Variants in FARP1 observed in about 807,000 individuals in gnomAD.
The protein encoded by FARP1 is FERM, ARHGEF and pleckstrin domain-containing protein 1.
Under a neutral mutation model 128.8 loss-of-function variants are expected in FARP1, and 52 were observed. The observed-to-expected ratio is 0.40, with a 90% CI of 0.32 to 0.51. The LOEUF (loss-of-function observed/expected upper bound fraction) is 0.51. Ranked by LOEUF, FARP1 falls within the 20% of genes least tolerant of loss-of-function variation. FARP1 has a pLI of 0.45. For missense variants in FARP1, 1,333 were observed against 1,367.9 expected (o/e 0.97, Z 0.40); for synonymous variants, 580 against 551.8 (o/e 1.05, Z -0.72).
intron 2 of FARP1, among the ~76,000 whole-genome samples, chr13:98,238,388 G>GT (rs1882562203): frequency 6.6e-6 from 1 of 152,062 alleles, no homozygotes; most frequent in Non-Finnish European, 1.5e-5. Flanking sequence ...TAGCTTTTTT[G>GT]TAAGAATACA....
At position 98,393,718 on chromosome 13, in the gene FARP1, G is replaced by A. The variant is rs79991734; in HGVS notation, c.1164G>A (p.Gln388=). ...PTELNSEVLE[Q]SQQSTSLTFG... ...AACTGAATTCGGAAGTGCTGGAGCA[G>A]GTCAGTGATGGCGCTGTCCTATGAT... The change falls in exon 12 of 27, where the codon CAG becomes CAA. Residue 388 remains glutamine (Q), a splice_region_variant and synonymous_variant. Transcript: ENST00000319562. 3 of 1,611,272 alleles carry A rather than the reference G, an allele frequency of 1.9e-6. No homozygotes were observed. The highest frequency in any genetic ancestry group is 2.2e-5 in the East Asian group (1 of 44,870).
intron 4 of FARP1, among the ~76,000 whole-genome samples, chr13:98,367,391 C>T (rs1417700015): frequency 2.0e-5 from 3 of 152,238 alleles, no homozygotes; most frequent in Admixed American, 1.3e-4. Context: ...ACAGATGATC[C>T]GCCCACCTCA....
At chr13:98,207,927 C>CACACACAA (rs1420395446) in intron 1 of FARP1, among the ~76,000 whole-genome samples, 1 of 143,172 alleles carries the variant, frequency 7.0e-6, no homozygotes, top group African/African-American at 2.6e-5. Flanking sequence ...CACACACACA[C>CACACACAA]ACACACACAC....
At chr13:98,266,737 C>T (rs891814483) in intron 2 of FARP1, among the ~76,000 whole-genome samples, 1 of 152,090 alleles carries the variant, frequency 6.6e-6, no homozygotes, top group African/African-American at 2.4e-5. Flanking sequence ...TGAGGCCGGG[C>T]GTGGTGGCTC....
intron 13 of FARP1, chr13:98,406,798 A>C (rs1890995434): frequency 6.6e-6 from 1 of 152,332 alleles, no homozygotes; most frequent in African/African-American, 2.4e-5. Flanking sequence ...AGGCTCTCTT[A>C]TGGAACCATA....
intron 14 of FARP1, 73 bp downstream of exon 14, chr13:98,409,598 A>T: frequency 7.4e-7 from 1 of 1,346,008 alleles, no homozygotes; most frequent in Non-Finnish European, 1.0e-6. Flanking sequence ...TAAAAATTGT[A>T]CTAAAATATA....
At position 98,446,934 on chromosome 13, in the gene FARP1, G is replaced by A. The variant is rs531348539; in HGVS notation, c.3056+117G>A. The A allele has an allele frequency of 2.1e-3, 2,379 of 1,135,282 alleles. 2 individuals are homozygous for A. The highest frequency in any genetic ancestry group is 2.4e-3 in the Non-Finnish European group (1,896 of 785,584). The allele number at this position is 1,135,282 out of a possible 1,614,324, so 70.3% of individuals were successfully genotyped here. A position where few individuals can be genotyped will look rare whatever the true frequency, so the allele number is the denominator to read the frequency against. On this transcript the variant is annotated intron_variant, in intron 26 of 26. Transcript: ENST00000319562. ...CCCCACCCTTCCCTGCCAACTAAGC[G>A]TTTAGACCTGGGGTCCCACTGCCCG...
At chr13:98,387,032 C>G (rs998066011) in intron 8 of FARP1, among the ~76,000 whole-genome samples, 1 of 152,060 alleles carries the variant, frequency 6.6e-6, no homozygotes, top group Admixed American at 6.5e-5. Flanking sequence ...CGGGCGCGGT[C>G]GCTCACACCT....
chr13:98,240,532 A>T (rs374984705), intron 2 of FARP1, among the ~76,000 whole-genome samples: 4 of 152,360 alleles, frequency 2.6e-5, no homozygotes, highest in African/African-American at 9.6e-5. Context: ...TGACAGCATT[A>T]TGAGAAACTG....
At chr13:98,282,280 C>T (rs1222958744) in intron 2 of FARP1, among the ~76,000 whole-genome samples, 2 of 151,916 alleles carry the variant, frequency 1.3e-5, no homozygotes, top group Non-Finnish European at 2.9e-5. Flanking sequence ...AGAGTGGGAC[C>T]CTGTCTCAAA....
chr13:98,162,058 G>A (rs938508570), intron 1 of FARP1, among the ~76,000 whole-genome samples: 6 of 152,170 alleles, frequency 3.9e-5, no homozygotes, highest in African/African-American at 1.4e-4. Flanking sequence ...GGGATTACAG[G>A]CCAGCCACTG....
Position 98,309,776 on chromosome 13 carries a change from A to G in FARP1, c.172-33986A>G, listed in dbSNP as rs570478917. Among the ~76,000 whole-genome samples, 14 of 152,352 alleles carry G rather than the reference A, an allele frequency of 9.2e-5. No homozygotes were observed. The South Asian group carries it at 2.7e-3, about 29-fold the overall frequency. On this transcript the variant is annotated intron_variant, in intron 2 of 26. Coordinates refer to ENST00000319562, the MANE Select transcript of FARP1 (RefSeq NM_005766.4). ...GATGCGGAACTGTGCCTGTGTAGGCAACAGCCCCTTACCCCAAACGGACAA... is the reference window on the plus strand; with the variant it reads ...GATGCGGAACTGTGCCTGTGTAGGCGACAGCCCCTTACCCCAAACGGACAA...
rs753845733 is a variant in FARP1, at chr13:98,384,816, A to T, written c.583A>T (p.Lys195Ter). 1 of 1,612,746 alleles carries T rather than the reference A, an allele frequency of 6.2e-7. No individual in the cohort carries two copies. ...YIPQQDALED[K>*]IVEFHHNHIG... ...ACCTCAGCAAGACGCACTAGAGGAC[A>T]AAATCGTGGAATTTCACCATAACCA... is the stretch of plus-strand genomic sequence containing the variant. The change falls in exon 7 of 27, where the codon AAA becomes TAA. Residue 195 changes from lysine to a stop codon, truncating the protein, a stop_gained. Transcript: ENST00000319562. LOFTEE classifies it high-confidence loss of function.
intron 2 of FARP1, among the ~76,000 whole-genome samples, chr13:98,322,279 C>A (rs1887028790): frequency 6.6e-6 from 1 of 152,076 alleles, no homozygotes; most frequent in Non-Finnish European, 1.5e-5. Flanking sequence ...GCTTGGGTGA[C>A]AAGAGTGAAA....
intron 2 of FARP1, among the ~76,000 whole-genome samples, chr13:98,283,111 G>T (rs1178316118): frequency 6.6e-6 from 1 of 152,096 alleles, no homozygotes; most frequent in Non-Finnish European, 1.5e-5. Context: ...GAGCGAATTT[G>T]TCTACACCTT....
chr13:98,379,236 A>AATCT (rs1566935551), intron 6 of FARP1, among the ~76,000 whole-genome samples: 2 of 125,612 alleles, frequency 1.6e-5, no homozygotes, highest in Admixed American at 2.1e-4. Context: ...ATCTATATAT[A>AATCT]ATCTATATAT....
intron 2 of FARP1, among the ~76,000 whole-genome samples, chr13:98,342,233 CA>C (rs1445059390): frequency 2.0e-5 from 3 of 152,018 alleles, no homozygotes; most frequent in Non-Finnish European, 4.4e-5. Flanking sequence ...TTGACTGTTA[CA>C]AAAAAGGCCT....
intron 18 of FARP1, chr13:98,431,496 C>CT (rs1397672252): frequency 1.8e-5 from 8 of 448,886 alleles, no homozygotes; most frequent in African/African-American, 1.5e-4. Context: ...GAGTCTCACT[C>CT]TGTCGCCCAG....
intron 2 of FARP1, among the ~76,000 whole-genome samples, chr13:98,289,918 G>A (rs1445262096): frequency 6.6e-6 from 1 of 152,150 alleles, no homozygotes; most frequent in Admixed American, 6.5e-5. Flanking sequence ...ATTTGTCCTG[G>A]AAATACCTGG....
Sources: gnomAD v4.1 joint callset for allele counts (sites outside exome capture counted in the v4.1 genomes callset) on GRCh38, gnomAD v4.1.1 for gene constraint, MANE v1.5 for transcripts, NCBI Gene and HGNC (gene_info 2026-07-23, HGNC 2026-07-21) for gene names.